Variants in SKIC3 observed in about 807,000 individuals in gnomAD.
SKIC3 encodes superkiller complex protein 3.
chr5:95,523,952 C>A, the SKIC3 span: 1 of 1,071,264 alleles, frequency 9.3e-7, no homozygotes, highest in Non-Finnish European at 1.3e-6. Context: ...ATTAAACATA[C>A]AAAAATATGC....
At chr5:95,522,642 C>T in the SKIC3 span, among the ~76,000 whole-genome samples, 1 of 152,030 alleles carries the variant, frequency 6.6e-6, no homozygotes, top group Non-Finnish European at 1.5e-5. Context: ...CCCCCACCAG[C>T]AATCCTTTTA....
the SKIC3 span, chr5:95,484,943 TC>T: frequency 7.7e-7 from 1 of 1,302,538 alleles, no homozygotes; most frequent in Non-Finnish European, 1.1e-6. Context: ...GGGCTTATCA[TC>T]CATACACAGT....
the SKIC3 span, chr5:95,509,488 C>A: frequency 3.6e-6 from 3 of 841,236 alleles, no homozygotes; most frequent in East Asian, 8.0e-5. Flanking sequence ...GCGTGAACAT[C>A]CCCTGGCTTC....
the SKIC3 span, among the ~76,000 whole-genome samples, chr5:95,534,370 C>T: frequency 2.1e-4 from 32 of 152,216 alleles, no homozygotes; most frequent in East Asian, 5.6e-3. Context: ...TATTGCAGTT[C>T]TTCTCCCACC....
the SKIC3 span, among the ~76,000 whole-genome samples, chr5:95,515,442 T>C: frequency 1.3e-5 from 2 of 152,126 alleles, no homozygotes; most frequent in Admixed American, 6.6e-5. Context: ...ATGCTTTTTT[T>C]TCTGCTACAA....
the SKIC3 span, among the ~76,000 whole-genome samples, chr5:95,548,376 C>A: frequency 6.6e-6 from 1 of 151,916 alleles, no homozygotes; most frequent in African/African-American, 2.4e-5. Context: ...ATTTTTTAAT[C>A]TTTTTGACTT....
chr5:95,489,357 G>A, the SKIC3 span, among the ~76,000 whole-genome samples: 1 of 151,716 alleles, frequency 6.6e-6, no homozygotes, highest in Non-Finnish European at 1.5e-5. Context: ...ATACAGACTC[G>A]TATGCTTATG....
chr5:95,547,477 T>G, the SKIC3 span, among the ~76,000 whole-genome samples: 8 of 152,160 alleles, frequency 5.3e-5, no homozygotes, highest in Non-Finnish European at 1.2e-4. Flanking sequence ...TAATATACTA[T>G]ATATTCTACT....
chr5:95,501,407 TC>T, the SKIC3 span, among the ~76,000 whole-genome samples: 1 of 152,086 alleles, frequency 6.6e-6, no homozygotes, highest in Non-Finnish European at 1.5e-5. Flanking sequence ...TTAATCCTAT[TC>T]CCCTTAAATC....
At chr5:95,554,163 T>G in the SKIC3 span, among the ~76,000 whole-genome samples, 3 of 152,138 alleles carry the variant, frequency 2.0e-5, no homozygotes, top group African/African-American at 7.2e-5. Context: ...AGCACCTAAG[T>G]GCCATGTGAG....
the SKIC3 span, among the ~76,000 whole-genome samples, chr5:95,482,237 G>C: frequency 6.6e-6 from 1 of 152,140 alleles, no homozygotes; most frequent in African/African-American, 2.4e-5. Context: ...CCGTTTTAAA[G>C]TGAGAAAATT....
At chr5:95,545,949 C>T in the SKIC3 span, among the ~76,000 whole-genome samples, 5 of 152,230 alleles carry the variant, frequency 3.3e-5, no homozygotes, top group South Asian at 4.1e-4. Context: ...CCTCTCTAAC[C>T]GTCCCAGTTC....
At chr5:95,498,823 C>T in the SKIC3 span, among the ~76,000 whole-genome samples, 4 of 152,174 alleles carry the variant, frequency 2.6e-5, no homozygotes, top group African/African-American at 9.7e-5. Context: ...GACGGGGTTT[C>T]ACCATGTTAG....
At chr5:95,478,918 T>C in the SKIC3 span, among the ~76,000 whole-genome samples, 2 of 152,154 alleles carry the variant, frequency 1.3e-5, no homozygotes, top group Non-Finnish European at 2.9e-5. Flanking sequence ...TACTTAGTAA[T>C]GAAATAGTCA....
At chr5:95,511,762 C>T in the SKIC3 span, among the ~76,000 whole-genome samples, 1 of 152,150 alleles carries the variant, frequency 6.6e-6, no homozygotes, top group Non-Finnish European at 1.5e-5. Flanking sequence ...CCCTGCATAA[C>T]ATTTTGTACA....
At chr5:95,498,255 G>A in the SKIC3 span, 1 of 1,052,210 alleles carries the variant, frequency 9.5e-7, no homozygotes, top group East Asian at 2.6e-5. Context: ...TAAAACCAGG[G>A]TTTGGTTTTC....
chr5:95,465,838 C>T, the SKIC3 span, among the ~76,000 whole-genome samples: 1 of 152,098 alleles, frequency 6.6e-6, no homozygotes, highest in East Asian at 1.9e-4. Context: ...CTCTGTCTTC[C>T]AAGGATGTTC....
chr5:95,469,330 C>A, the SKIC3 span, among the ~76,000 whole-genome samples: 1 of 152,154 alleles, frequency 6.6e-6, no homozygotes, highest in Non-Finnish European at 1.5e-5. Flanking sequence ...GAAACCACAT[C>A]ATTTATAAAC....
At chr5:95,482,726 G>A in the SKIC3 span, 1 of 1,375,400 alleles carries the variant, frequency 7.3e-7, no homozygotes. Flanking sequence ...ATAAAATTCT[G>A]AAGGTTTATA....
Sources: gnomAD v4.1 joint callset for allele counts (sites outside exome capture counted in the v4.1 genomes callset) on GRCh38, gnomAD v4.1.1 for gene constraint, MANE v1.5 for transcripts, NCBI Gene and HGNC (gene_info 2026-07-23, HGNC 2026-07-21) for gene names.